Variants in GYG2 observed in about 807,000 individuals in gnomAD.
The protein encoded by GYG2 is glycogenin-2.
GYG2 carries 29 observed loss-of-function variants against 29.4 expected under a neutral mutation model. The observed-to-expected ratio is 0.99, with a 90% CI of 0.74 to 1.35. The LOEUF (loss-of-function observed/expected upper bound fraction) is 1.35. GYG2 is among the 40% of genes most tolerant of loss of function. The pLI is 0.00. For missense variants in GYG2, 370 were observed against 385.7 expected, an observed-to-expected ratio of 0.96 and a Z score of 0.34; for synonymous variants, 167 against 172.3, an observed-to-expected ratio of 0.97 and a Z score of 0.24.
intron 2 of GYG2, among the ~76,000 whole-genome samples, chrX:2,842,816 ATT>A (rs397823825): frequency 2.1e-5 from 2 of 94,371 alleles, no homozygotes; most frequent in African/African-American, 3.8e-5. Context: ...GCAAGTCGTG[ATT>A]TTTTTTTTTT....
intron 2 of GYG2, among the ~76,000 whole-genome samples, chrX:2,836,235 C>G (rs1160490273): frequency 9.0e-6 from 1 of 111,146 alleles, no homozygotes; most frequent in Non-Finnish European, 1.9e-5. Flanking sequence ...TGATGGCTTT[C>G]ACTGTGTGTT....
intron 3 of GYG2, among the ~76,000 whole-genome samples, chrX:2,850,719 T>C (rs1007004210): frequency 1.7e-4 from 19 of 111,165 alleles, no homozygotes; most frequent in Admixed American, 4.8e-4. Context: ...AAAGCTCCCC[T>C]ACTGAGCACC....
intron 3 of GYG2, among the ~76,000 whole-genome samples, chrX:2,844,458 A>G (rs2087575969): frequency 9.0e-6 from 1 of 110,779 alleles, no homozygotes; most frequent in Non-Finnish European, 1.9e-5. Flanking sequence ...ATATATGTAT[A>G]TACACACACG....
At chrX:2,835,967 G>A (rs941309669) in intron 2 of GYG2, among the ~76,000 whole-genome samples, 2 of 110,706 alleles carry the variant, frequency 1.8e-5, no homozygotes, top group African/African-American at 6.6e-5. Context: ...AGCAGGGTTT[G>A]CAGGAAGATC....
chrX:2,881,004 G>C (rs747489863), intron 10 of GYG2, 48 bp from the exon 11 acceptor site: 4 of 1,163,548 alleles, frequency 3.4e-6, no homozygotes, highest in Non-Finnish European at 4.7e-6. Context: ...TCTTTCCCTC[G>C]ATAATGGACA....
At chrX:2,843,080 TG>T in intron 2 of GYG2, 132 bp from the exon 3 acceptor site, 1 of 575,565 alleles carries the variant, frequency 1.7e-6, no homozygotes, top group Non-Finnish European at 3.0e-6. Context: ...CCCAAAGTGC[TG>T]GAATGACAGG....
chrX:2,857,849 A>T (rs985232127), intron 6 of GYG2, among the ~76,000 whole-genome samples: 3 of 110,534 alleles, frequency 2.7e-5, no homozygotes, highest in African/African-American at 9.9e-5. Flanking sequence ...TAAAAAAAGA[A>T]TTTGAAGATG....
At chrX:2,849,922 C>T (rs1274553078) in intron 3 of GYG2, among the ~76,000 whole-genome samples, 2 of 110,583 alleles carry the variant, frequency 1.8e-5, no homozygotes, top group Non-Finnish European at 3.8e-5. Flanking sequence ...CAAGACCAGC[C>T]TGGACAACAT....
At chrX:2,871,689 C>CAAATAAATAAAT (rs200105400) in intron 8 of GYG2, among the ~76,000 whole-genome samples, 4 of 99,977 alleles carry the variant, frequency 4.0e-5, no homozygotes, top group African/African-American at 1.5e-4. Context: ...GACTCCGTCT[C>CAAATAAATAAAT]AAATAAATAA....
chrX:2,856,392 C>T (rs2087984003), intron 5 of GYG2, 106 bp from the exon 6 acceptor site: 3 of 663,231 alleles, frequency 4.5e-6, no homozygotes, highest in Non-Finnish European at 6.9e-6. Flanking sequence ...GAATTAGTAA[C>T]CCTGAAGGCA....
chrX:2,848,758 T>C (rs1056886007), intron 3 of GYG2, among the ~76,000 whole-genome samples: 4 of 111,707 alleles, frequency 3.6e-5, no homozygotes, highest in African/African-American at 1.3e-4. Context: ...ATCATGTGAT[T>C]ATTACTTATT....
At chrX:2,857,482 C>A (rs896589929) in intron 6 of GYG2, among the ~76,000 whole-genome samples, 6 of 110,011 alleles carry the variant, frequency 5.5e-5, no homozygotes, top group Non-Finnish European at 1.1e-4. Flanking sequence ...GTATATCTAT[C>A]TAGATCTATC....
At chrX:2,853,866 T>A in intron 3 of GYG2, 114 bp from the exon 4 acceptor site, 1 of 522,536 alleles carries the variant, frequency 1.9e-6, no homozygotes, top group East Asian at 3.4e-5. Context: ...GCTGTGGGGA[T>A]TCTCTTTGCA....
intron 10 of GYG2, among the ~76,000 whole-genome samples, chrX:2,878,519 T>C (rs2088649227): frequency 9.0e-6 from 1 of 111,501 alleles, no homozygotes; most frequent in Non-Finnish European, 1.9e-5. Flanking sequence ...ATCCTCCTTT[T>C]TTGGCCTCTC....
At chrX:2,860,151 A>G in intron 7 of GYG2, 86 bp downstream of exon 7, 2 of 543,254 alleles carry the variant, frequency 3.7e-6, no homozygotes, top group South Asian at 6.2e-5. Flanking sequence ...TTTTTTTGAA[A>G]TGCCCCTTTT....
intron 2 of GYG2, among the ~76,000 whole-genome samples, chrX:2,836,083 A>G: frequency 9.0e-6 from 1 of 111,138 alleles, no homozygotes; most frequent in Non-Finnish European, 1.9e-5. Context: ...AGCACACATC[A>G]TAGGATGTGC....
At position 2,855,034 on chromosome X, in the gene GYG2, T is replaced by G; in HGVS notation, c.366T>G (p.Phe122Leu). Residue 122 changes from phenylalanine to leucine, a missense_variant, in exon 5 of 11, where the codon TTT becomes TTG. By Grantham distance (22) the Phe-to-Leu change is conservative. Transcript: ENST00000398806. Reference protein sequence around the residue: ...NVDELFDRGEFSAAPDPGWPD... With the variant: ...NVDELFDRGELSAAPDPGWPD... The stretch of plus-strand genomic sequence containing the variant: ...ATGAGCTGTTTGACAGGGGAGAGTT[T>G]TCTGCGGCCCCGGACCCCGGATGGC... 2 of 1,211,677 alleles carry G rather than the reference T, an allele frequency of 1.7e-6. No homozygotes were observed. Among genetic ancestry groups the G allele is most frequent in the Non-Finnish European group, 2.2e-6 (2 of 895,266 alleles).
intron 6 of GYG2, among the ~76,000 whole-genome samples, chrX:2,857,853 G>A (rs1295984162): frequency 9.1e-6 from 1 of 110,448 alleles, no homozygotes; most frequent in Non-Finnish European, 1.9e-5. Flanking sequence ...AAAAGAATTT[G>A]AAGATGTGAT....
intron 3 of GYG2, among the ~76,000 whole-genome samples, chrX:2,851,243 T>C (rs62582319): frequency 0.15 from 17,046 of 110,286 alleles, 1,144 homozygotes; most frequent in South Asian, 0.29. Context: ...TTCAGTTGTT[T>C]GTTGTTGTTG....
Sources: allele counts gnomAD v4.1 joint callset (sites outside exome capture counted in the v4.1 genomes callset), GRCh38; gene constraint gnomAD v4.1.1; transcripts MANE v1.5; gene names NCBI Gene and HGNC (gene_info 2026-07-23, HGNC 2026-07-21).